Variants in PIAS4 observed in about 807,000 individuals in gnomAD.
The protein encoded by PIAS4 is protein inhibitor of activated STAT 4, also known as E3 SUMO-protein ligase PIAS4.
A neutral mutation model predicts 58.0 loss-of-function variants in PIAS4; 7 were observed. The observed-to-expected ratio is 0.12, with a 90% confidence interval of 0.07 to 0.23. The LOEUF (loss-of-function observed/expected upper bound fraction) is 0.23, where lower values mean the gene tolerates loss of function less well. Among genes scored for constraint, PIAS4 ranks in the 10% least tolerant of loss-of-function variants. The probability of loss-of-function intolerance (pLI) is 1.00; values close to 1 mark genes in which losing one functional copy is unlikely to be tolerated. For missense variants in PIAS4, 550 were observed against 709.5 expected (o/e 0.78, Z 2.55); for synonymous variants, 364 against 312.4 (o/e 1.17, Z -1.74).
At chr19:4,035,280 C>T (rs1167243710) in intron 9 of PIAS4, among the ~76,000 whole-genome samples, 1 of 152,128 alleles carries the variant, frequency 6.6e-6, no homozygotes, top group African/African-American at 2.4e-5. Context: ...GTAGCCTTGA[C>T]AGTAACAGGC....
At chr19:4,010,143 G>A (rs1057412147) in intron 1 of PIAS4, among the ~76,000 whole-genome samples, 1 of 152,214 alleles carries the variant, frequency 6.6e-6, no homozygotes, top group Non-Finnish European at 1.5e-5. Flanking sequence ...TGAAGCCAGG[G>A]CAGGAAGTGA....
intron 2 of PIAS4, among the ~76,000 whole-genome samples, chr19:4,016,203 T>C (rs746748692): frequency 3.3e-5 from 5 of 152,210 alleles, no homozygotes; most frequent in Non-Finnish European, 7.3e-5. Context: ...CTGACCCTCC[T>C]GTCAGGGTAC....
chr19:4,034,186 C>T (rs2040253164), intron 9 of PIAS4, among the ~76,000 whole-genome samples: 1 of 152,172 alleles, frequency 6.6e-6, no homozygotes, highest in Non-Finnish European at 1.5e-5. Flanking sequence ...ACCGCGCCCA[C>T]CTCGTCCCCA....
At chr19:4,011,505 C>T (rs1029240044) in intron 1 of PIAS4, among the ~76,000 whole-genome samples, 7 of 152,244 alleles carry the variant, frequency 4.6e-5, no homozygotes, top group African/African-American at 1.2e-4. Context: ...TGGAGAGGCC[C>T]GGCCAGGCGA....
In PIAS4 at chr19:4,038,003, T is replaced by G; in HGVS notation, c.*128T>G. 1 of 1,001,004 alleles carries G rather than the reference T, an allele frequency of 1.0e-6. No homozygotes were observed. Among genetic ancestry groups the G allele is most frequent in the Non-Finnish European group, 1.4e-6 (1 of 693,770 alleles). The allele number at this position is 1,001,004 out of a possible 1,614,324, so 62.0% of individuals were successfully genotyped here. ...CGTTCGTTTTGTTTTTCCACCCTTT[T>G]GCCTGGCTCCTGGCACCTGTACCTC... On this transcript the variant is annotated 3_prime_UTR_variant, in exon 11 of 11. Coordinates refer to ENST00000262971, the MANE Select transcript of PIAS4 (RefSeq NM_015897.4). This position sits in a 1 kb window ranked among gnomAD's most constrained non-coding sequence, Gnocchi z 4.1.
chr19:4,023,757 A>G (rs2144922353), intron 2 of PIAS4, among the ~76,000 whole-genome samples: 1 of 152,236 alleles, frequency 6.6e-6, no homozygotes, highest in East Asian at 1.9e-4. Flanking sequence ...TCGGTTTCCT[A>G]AGTAGACGCC....
At chr19:4,033,048 G>A (rs548688997) in intron 7 of PIAS4, 52 bp from the exon 8 acceptor site, 10 of 1,446,120 alleles carry the variant, frequency 6.9e-6, no homozygotes, top group East Asian at 2.3e-5. Flanking sequence ...TCACAGCCCC[G>A]CGCCCTGCTG....
At chr19:4,016,992 A>C (rs1307727343) in intron 2 of PIAS4, among the ~76,000 whole-genome samples, 2 of 152,142 alleles carry the variant, frequency 1.3e-5, no homozygotes, top group Non-Finnish European at 2.9e-5. Flanking sequence ...TGCAGGAGGC[A>C]AGTGGCCGTC....
At chr19:4,026,882 C>A (rs1312086866) in intron 3 of PIAS4, among the ~76,000 whole-genome samples, 1 of 152,056 alleles carries the variant, frequency 6.6e-6, no homozygotes, top group African/African-American at 2.4e-5. Flanking sequence ...GAGTCACACT[C>A]CGAGGCCCAG....
At chr19:4,027,068 G>A (rs1397873974) in intron 3 of PIAS4, among the ~76,000 whole-genome samples, 1 of 151,852 alleles carries the variant, frequency 6.6e-6, no homozygotes, top group Non-Finnish European at 1.5e-5. Context: ...TAGCCAGGAG[G>A]GTCTCGATCT....
Position 4,038,153 on chromosome 19 carries a change from C to CGGCTGGA in PIAS4, c.*280_*286dup. Reference sequence around the variant, plus strand: ...CCGGCCACCCACACAGCCGCCTCCCCGGCTGGAGTCCGAGCCGGGAAGGGG... The same window carrying CGGCTGGA: ...CCGGCCACCCACACAGCCGCCTCCCCGGCTGGAGGCTGGAGTCCGAGCCGGGAAGGGG... On this transcript the variant is annotated 3_prime_UTR_variant, in exon 11 of 11. Coordinates refer to ENST00000262971, the MANE Select transcript of PIAS4 (RefSeq NM_015897.4). This position sits in a 1 kb window ranked among gnomAD's most constrained non-coding sequence, Gnocchi z 4.1. The CGGCTGGA allele has an allele frequency of 2.5e-6, 1 of 392,814 alleles. No homozygotes were observed. The highest frequency in any genetic ancestry group is 4.6e-6 in the Non-Finnish European group (1 of 218,642). 24.3% of individuals were successfully genotyped at this position (392,814 alleles called of 1,614,324 possible).
At position 4,036,721 on chromosome 19, in the gene PIAS4, T is replaced by C. The variant is rs1212850279; in HGVS notation, c.1143-653T>C. Among the ~76,000 whole-genome samples, 5 of 148,570 alleles carry C rather than the reference T, an allele frequency of 3.4e-5. No individual in the cohort carries two copies. The South Asian group carries it at 1.1e-3, about 32-fold the overall frequency. The stretch of plus-strand genomic sequence containing the variant: ...CCACACCATCATACACACACACATC[T>C]CTACAGTCCACACCATCACATGCAC... On this transcript the variant is annotated intron_variant, in intron 9 of 10. Transcript: ENST00000262971.
At position 4,028,520 on chromosome 19, in the gene PIAS4, T is replaced by C; in HGVS notation, c.592T>C (p.Ser198Pro). 1 of 1,612,524 alleles carries C rather than the reference T, an allele frequency of 6.2e-7. No individual in the cohort carries two copies. The highest frequency in any genetic ancestry group is 8.5e-7 in the Non-Finnish European group (1 of 1,179,698). ...CTGTTGTCGTTGCAGAATCTGTTAC[T>C]CAGACACCAGCTGCCCTCAGGAGGA... Reference protein sequence around the residue: ...AVQVVLRICYSDTSCPQEDQY... With the variant: ...AVQVVLRICYPDTSCPQEDQY... The change falls in exon 5 of 11, where the codon TCA becomes CCA. Residue 198 changes from serine (S) to proline (P), a missense_variant. Physicochemically the swap from Ser to Pro is moderately conservative, Grantham distance 74 (BLOSUM62 -1). This residue lies in a region of PIAS4 where 225 missense variants were observed against 345.8 expected (regional missense o/e 0.65). Transcript: ENST00000262971.
chr19:4,024,408 T>G (rs1488883506), intron 3 of PIAS4, among the ~76,000 whole-genome samples: 2 of 152,238 alleles, frequency 1.3e-5, no homozygotes, highest in African/African-American at 4.8e-5. Context: ...TCCTGGGCAT[T>G]GCAGGGAGCG....
intron 1 of PIAS4, among the ~76,000 whole-genome samples, chr19:4,012,380 A>G (rs2040004753): frequency 6.6e-6 from 1 of 152,190 alleles, no homozygotes; most frequent in East Asian, 1.9e-4. Flanking sequence ...AGTTAAATAT[A>G]TAATCACATG....
intron 2 of PIAS4, among the ~76,000 whole-genome samples, chr19:4,022,261 T>C (rs548503366): frequency 1.3e-5 from 2 of 152,216 alleles, no homozygotes; most frequent in South Asian, 2.1e-4. Flanking sequence ...TCTGTACTAT[T>C]GTTCTTTCAT....
chr19:4,029,109 C>A, intron 7 of PIAS4, 73 bp downstream of exon 7: 2 of 1,101,864 alleles, frequency 1.8e-6, no homozygotes, highest in Non-Finnish European at 2.7e-6. Flanking sequence ...CTGGGTGAAG[C>A]GGGGGGCCCT....
Position 4,038,128 on chromosome 19 carries a change from C to T in PIAS4, c.*253C>T. ...AAAAGTCAAACTCTTAAAAACAAGGCCGGCCACCCACACAGCCGCCTCCCC... is the reference window on the plus strand; with the variant it reads ...AAAAGTCAAACTCTTAAAAACAAGGTCGGCCACCCACACAGCCGCCTCCCC... On this transcript the variant is annotated 3_prime_UTR_variant, in exon 11 of 11. Transcript: ENST00000262971. The surrounding 1 kb of genome is among the most constrained non-coding windows in gnomAD (Gnocchi z 4.1). The T allele has an allele frequency of 2.2e-6, 1 of 463,430 alleles. No individual in the cohort carries two copies. Among genetic ancestry groups the T allele is most frequent in the African/African-American group, 2.1e-5 (1 of 48,178 alleles). The allele number at this position is 463,430 out of a possible 1,614,324, so 28.7% of individuals were successfully genotyped here.
rs2040331642 is a variant in PIAS4, at chr19:4,038,833, C to T, written c.*958C>T. ...GCTCTCGGTTTGGGTTGATTCCTCTCCTTTTTGCTCTTGGTTTTCCGACGG... is the reference window on the plus strand; with the variant it reads ...GCTCTCGGTTTGGGTTGATTCCTCTTCTTTTTGCTCTTGGTTTTCCGACGG... On this transcript the variant is annotated 3_prime_UTR_variant, in exon 11 of 11. Coordinates refer to ENST00000262971, the MANE Select transcript of PIAS4 (RefSeq NM_015897.4). This position sits in a 1 kb window ranked among gnomAD's most constrained non-coding sequence, Gnocchi z 4.1. The T allele has an allele frequency of 6.5e-6, 1 of 153,134 alleles. No homozygotes were observed. The highest frequency in any genetic ancestry group is 1.5e-5 in the Non-Finnish European group (1 of 68,416). 9.5% of individuals were successfully genotyped at this position (153,134 alleles called of 1,614,324 possible). A position where few individuals can be genotyped will look rare whatever the true frequency, so the allele number is the denominator to read the frequency against.
Sources: allele counts gnomAD v4.1 joint callset (sites outside exome capture counted in the v4.1 genomes callset), GRCh38; gene constraint gnomAD v4.1.1; regional missense constraint gnomAD v4.1.1; non-coding constraint Gnocchi (gnomAD v3.1); transcripts MANE v1.5; gene names NCBI Gene and HGNC (gene_info 2026-07-23, HGNC 2026-07-21).